The following PRR5 variants were observed in gnomAD, a reference collection of about 807,000 sequenced individuals.
PRR5 encodes the protein proline rich 5.
A neutral mutation model predicts 30.6 loss-of-function variants in PRR5; 25 were observed. The ratio of observed to expected loss-of-function variants is 0.82; its 90% CI spans 0.60 to 1.14. The LOEUF (loss-of-function observed/expected upper bound fraction) is 1.14. Ranked by LOEUF, PRR5 falls within the 50% of genes most tolerant of loss-of-function variation. PRR5 has a pLI of 0.00. For missense variants in PRR5, 600 were observed against 547.1 expected, an observed-to-expected ratio of 1.10 and a Z score of -0.96; for synonymous variants, 286 against 247.1, an observed-to-expected ratio of 1.16 and a Z score of -1.48.
At chr22:44,727,994 G>A (rs9626538) in intron 4 of PRR5, among the ~76,000 whole-genome samples, 2,744 of 152,350 alleles carry the variant, frequency 0.018, 50 homozygotes, top group Non-Finnish European at 0.028. Context: ...CGCTTGATGC[G>A]GCACATTCTG....
chr22:44,669,030 C>T (rs1196937769), intron 1 of PRR5, among the ~76,000 whole-genome samples: 5 of 151,606 alleles, frequency 3.3e-5, no homozygotes, highest in Admixed American at 6.6e-5. Context: ...GGGGCGGCCC[C>T]CTTGGGTGAA....
chr22:44,703,341 T>A (rs900061668), intron 1 of PRR5, among the ~76,000 whole-genome samples: 43 of 125,640 alleles, frequency 3.4e-4, no homozygotes, highest in African/African-American at 1.6e-3. Context: ...CGGGGGAGGC[T>A]GTGGACACTG....
At chr22:44,703,342 G>C (rs1467322385) in intron 1 of PRR5, among the ~76,000 whole-genome samples, 2 of 125,926 alleles carry the variant, frequency 1.6e-5, no homozygotes, top group African/African-American at 7.8e-5. Flanking sequence ...GGGGGAGGCT[G>C]TGGACACTGT....
At chr22:44,717,189 C>CT (rs57193514) in intron 2 of PRR5, among the ~76,000 whole-genome samples, 70,590 of 116,406 alleles carry the variant, frequency 0.61, 22,792 homozygotes, top group Non-Finnish European at 0.66. Context: ...CCCCCTTACC[C>CT]TTTTTTTTTT....
In PRR5 at chr22:44,702,581, G is replaced by A. The variant is rs774461347; in HGVS notation, c.107G>A (p.Arg36Gln). 2.2e-6 allele frequency: 3 copies of A among 1,390,238 alleles called. No homozygotes were observed. Among genetic ancestry groups the A allele is most frequent in the South Asian group, 1.6e-5 (1 of 62,870 alleles). The allele number at this position is 1,390,238 out of a possible 1,614,324, so 86.1% of individuals were successfully genotyped here. ...AADERGTQQRRACANATWNSI... is the reference protein window; with the variant it reads ...AADERGTQQRQACANATWNSI... ...GACGAGCGGGGCACGCAGCAGCGCC[G>A]GGCCTGCGCCAACGCCACCTGGAAC... is the stretch of plus-strand genomic sequence containing the variant. Residue 36 changes from arginine (R) to glutamine (Q), a missense_variant, in exon 1 of 8, where the codon CGG becomes CAG. Physicochemically the swap from Arg to Gln is conservative, Grantham distance 43 (BLOSUM62 1). Transcript: ENST00000336985.
At chr22:44,722,834 C>T (rs1344611943) in intron 2 of PRR5, among the ~76,000 whole-genome samples, 1 of 151,908 alleles carries the variant, frequency 6.6e-6, no homozygotes, top group Non-Finnish European at 1.5e-5. Context: ...CTTATTTGGG[C>T]TTTTTTTTCC....
chr22:44,732,152 C>T (rs776081941), intron 5 of PRR5, 99 bp from the exon 6 acceptor site: 17 of 1,545,368 alleles, frequency 1.1e-5, no homozygotes, highest in African/African-American at 2.7e-5. Flanking sequence ...GCCTGAGGGT[C>T]GGCAGGTCTC....
intron 1 of PRR5, among the ~76,000 whole-genome samples, chr22:44,687,561 G>C (rs1429354328): frequency 6.6e-6 from 1 of 152,154 alleles, no homozygotes; most frequent in Non-Finnish European, 1.5e-5. Context: ...ATCTCTTATT[G>C]TCAGTGGGTA....
intron 1 of PRR5, among the ~76,000 whole-genome samples, chr22:44,677,754 C>T (rs1439507136): frequency 6.6e-6 from 1 of 152,180 alleles, no homozygotes; most frequent in African/African-American, 2.4e-5. Flanking sequence ...GCTGTGTGAC[C>T]TTGGACAGGT....
At chr22:44,671,157 G>A (rs1601939123) in intron 1 of PRR5, among the ~76,000 whole-genome samples, 1 of 152,192 alleles carries the variant, frequency 6.6e-6, no homozygotes, top group South Asian at 2.1e-4. Flanking sequence ...CAAACAGCAG[G>A]GTCAGGGCAT....
At chr22:44,694,614 C>T (rs900671682) in intron 1 of PRR5, among the ~76,000 whole-genome samples, 8 of 151,810 alleles carry the variant, frequency 5.3e-5, no homozygotes, top group Non-Finnish European at 1.0e-4. Context: ...GAAGCCTGCC[C>T]TCCTGCCTGA....
intron 2 of PRR5, 130 bp downstream of exon 2, chr22:44,714,801 C>G: frequency 7.9e-7 from 1 of 1,258,226 alleles, no homozygotes; most frequent in East Asian, 2.5e-5. Flanking sequence ...GGCCATCTGT[C>G]AACAGGAGAG....
Position 44,714,646 on chromosome 22 carries a change from C to T in PRR5, c.190C>T (p.Leu64Phe). 6.2e-7 allele frequency: 1 copy of T among 1,613,870 alleles called. No homozygotes were observed. The highest frequency in any genetic ancestry group is 8.5e-7 in the Non-Finnish European group (1 of 1,180,002). Reference sequence around the variant, plus strand: ...GCGCAAGGGGCTGCCCGACCAGGAGCTCTTCAGCCTCAACGAGGGCGTCCG... The same window carrying T: ...GCGCAAGGGGCTGCCCGACCAGGAGTTCTTCAGCCTCAACGAGGGCGTCCG... ...FQRKGLPDQELFSLNEGVRQL... is the reference protein window; with the variant it reads ...FQRKGLPDQEFFSLNEGVRQL... Residue 64 changes from leucine to phenylalanine, a missense_variant, in exon 2 of 8, where the codon CTC becomes TTC. Transcript: ENST00000336985.
chr22:44,731,526 A>G (rs535270153), intron 4 of PRR5: 4 of 595,776 alleles, frequency 6.7e-6, no homozygotes, highest in Admixed American at 5.8e-5. Flanking sequence ...GCCACATTTT[A>G]TAAATGGAAG....
chr22:44,722,804 G>A (rs1194375846), intron 2 of PRR5, among the ~76,000 whole-genome samples: 1 of 152,164 alleles, frequency 6.6e-6, no homozygotes, highest in African/African-American at 2.4e-5. Flanking sequence ...AAAAGGGTAG[G>A]CAGCTTGCAG....
chr22:44,669,100 C>T (rs1285596462), intron 1 of PRR5, among the ~76,000 whole-genome samples: 3 of 149,700 alleles, frequency 2.0e-5, no homozygotes, highest in South Asian at 2.1e-4. Flanking sequence ...CTCCCAGCCT[C>T]TCTCGCTCGC....
intron 2 of PRR5, among the ~76,000 whole-genome samples, chr22:44,723,063 G>A (rs1164019011): frequency 6.6e-6 from 1 of 151,004 alleles, no homozygotes; most frequent in African/African-American, 2.4e-5. Flanking sequence ...TCAGCCCGCT[G>A]CAACCTCCGC....
At chr22:44,711,016 A>G (rs1225619767) in intron 1 of PRR5, among the ~76,000 whole-genome samples, 1 of 149,962 alleles carries the variant, frequency 6.7e-6, no homozygotes, top group Non-Finnish European at 1.5e-5. Context: ...CGAGTTACCC[A>G]GCCCAGAAGT....
chr22:44,716,371 G>A (rs1429154601), intron 2 of PRR5, among the ~76,000 whole-genome samples: 1 of 152,196 alleles, frequency 6.6e-6, no homozygotes, highest in Non-Finnish European at 1.5e-5. Flanking sequence ...GCCAGCCTTA[G>A]ACCAGGAGTT....
Sources: gnomAD v4.1 joint callset for allele counts (sites outside exome capture counted in the v4.1 genomes callset) on GRCh38, gnomAD v4.1.1 for gene constraint, MANE v1.5 for transcripts, NCBI Gene and HGNC (gene_info 2026-07-23, HGNC 2026-07-21) for gene names.